DNAH11: variants seen among roughly 807,000 people sequenced by gnomAD.
The protein encoded by DNAH11 is axonemal beta dynein heavy chain 11.
Under a neutral mutation model 526.0 loss-of-function variants are expected in DNAH11, and 442 were observed. The observed-to-expected ratio is 0.84, with a 90% CI of 0.78 to 0.91. The LOEUF is 0.91. DNAH11 is among the 40% of genes least tolerant of loss of function. The pLI, the probability that DNAH11 is intolerant of heterozygous loss-of-function variation, is 0.00. For missense variants in DNAH11, 6,989 were observed against 5,448.7 expected, an observed-to-expected ratio of 1.28 and a Z score of -8.90; for synonymous variants, 2,461 against 1,935.9, an observed-to-expected ratio of 1.27 and a Z score of -7.12.
rs17144803 is a variant in DNAH11, at chr7:21,618,919, C to T, written c.4255-181C>T. Among the ~76,000 whole-genome samples, 34,487 of 152,026 alleles carry T rather than the reference C, an allele frequency of 0.23. 4,506 individuals carry two copies. Among genetic ancestry groups the T allele is most frequent in the East Asian group, 0.48 (2,492 of 5,170 alleles). ...TGTGGCCCTTGCTTCCGGCAGGTGA[C>T]GCCTCAGGAATTGTGAGTTAAAAAG... On this transcript the variant is annotated intron_variant, in intron 23 of 81. Coordinates refer to ENST00000409508, the MANE Select transcript of DNAH11 (RefSeq NM_001277115.2).
chr7:21,892,315 G>A, intron 76 of DNAH11, 110 bp from the exon 77 acceptor site: 4 of 1,463,284 alleles, frequency 2.7e-6, no homozygotes, highest in South Asian at 1.4e-5. Flanking sequence ...CTGCTACCCA[G>A]ACAGCATTGT....
intron 28 of DNAH11, among the ~76,000 whole-genome samples, chr7:21,641,581 C>A (rs1308726020): frequency 3.9e-5 from 6 of 152,224 alleles, no homozygotes; most frequent in Admixed American, 3.9e-4. Flanking sequence ...ACTCTGTTCA[C>A]CCTCCTTTTA....
At chr7:21,859,224 C>A (rs529323045) in intron 68 of DNAH11, among the ~76,000 whole-genome samples, 1 of 152,192 alleles carries the variant, frequency 6.6e-6, no homozygotes, top group Non-Finnish European at 1.5e-5. Context: ...AGCGATTCTC[C>A]TGTCCCAGCC....
chr7:21,757,816 A>G (rs1454064090), intron 54 of DNAH11, among the ~76,000 whole-genome samples: 2 of 152,222 alleles, frequency 1.3e-5, no homozygotes, highest in Non-Finnish European at 2.9e-5. Context: ...CACACATGAC[A>G]TAAGCCAAAA....
chr7:21,764,661 C>T (rs1787092786), intron 54 of DNAH11, among the ~76,000 whole-genome samples: 1 of 152,212 alleles, frequency 6.6e-6, no homozygotes, highest in Admixed American at 6.5e-5. Context: ...CCAGGTGCTC[C>T]TCTCACTGAG....
chr7:21,655,738 A>G (rs946700192), intron 28 of DNAH11, 94 bp from the exon 29 acceptor site: 8 of 1,278,954 alleles, frequency 6.3e-6, no homozygotes, highest in Non-Finnish European at 8.7e-6. Flanking sequence ...CTAACTCCAT[A>G]ACGTTTCATG....
At position 21,649,534 on chromosome 7, in the gene DNAH11, A is replaced by G. The variant is rs77682318; in HGVS notation, c.4945-6298A>G. Among the ~76,000 whole-genome samples the G allele has an allele frequency of 2.5e-4, 38 of 152,348 alleles. No individual in the cohort carries two copies. In the East Asian group the frequency reaches 6.2e-3, roughly 25 times the overall value. ...TTCAAGTGACATAATATCGAACTATAGGAGGCAGATGCAAAAGAGTACGTA... is the reference window on the plus strand; with the variant it reads ...TTCAAGTGACATAATATCGAACTATGGGAGGCAGATGCAAAAGAGTACGTA... On this transcript the variant is annotated intron_variant, in intron 28 of 81. Transcript: ENST00000409508.
chr7:21,707,832 G>A lies in DNAH11; in HGVS notation c.6680G>A (p.Gly2227Asp). Reference protein sequence around the residue: ...IHHATREWKDGKIVYSYFIGL... With the variant: ...IHHATREWKDDKIVYSYFIGL... ...CATGCTACCCGAGAATGGAAAGATG[G>A]CAAGTAGTATTTCCCCTTTAGAAGT... Residue 2227 changes from glycine (G) to aspartate (D), a missense_variant, in exon 40 of 82, where the codon GGC (glycine) becomes GAC (aspartate). Coordinates refer to ENST00000409508, the MANE Select transcript of DNAH11 (RefSeq NM_001277115.2). The A allele has an allele frequency of 1.9e-6, 3 of 1,594,012 alleles. No individual in the cohort carries two copies. The highest frequency in any genetic ancestry group is 3.6e-5 in the Admixed American group (2 of 56,000).
intron 65 of DNAH11, among the ~76,000 whole-genome samples, chr7:21,833,062 A>G (rs190263742): frequency 2.4e-4 from 36 of 152,346 alleles, no homozygotes; most frequent in Admixed American, 3.9e-4. Context: ...ACTTCTTACC[A>G]TAGTTCCCAA....
intron 8 of DNAH11, among the ~76,000 whole-genome samples, chr7:21,578,119 A>C (rs137996661): frequency 7.7e-4 from 118 of 152,290 alleles, no homozygotes; most frequent in African/African-American, 2.7e-3. Flanking sequence ...GAGAAGTGCC[A>C]CATACTTTTA....
intron 6 of DNAH11, among the ~76,000 whole-genome samples, chr7:21,567,514 A>G: frequency 6.6e-6 from 1 of 152,216 alleles, no homozygotes; most frequent in South Asian, 2.1e-4. Flanking sequence ...TTTAAATGCC[A>G]GCATTTCAGC....
At chr7:21,850,900 T>C (rs1034096133) in intron 66 of DNAH11, among the ~76,000 whole-genome samples, 3 of 152,168 alleles carry the variant, frequency 2.0e-5, no homozygotes, top group Non-Finnish European at 4.4e-5. Flanking sequence ...TCCACTGATA[T>C]TATACTGGAG....
Position 21,639,052 on chromosome 7 carries a change from C to T in DNAH11, c.4931C>T (p.Ala1644Val). The part of the protein sequence containing the change: ...ADLLDILSKG[A>V]QPKQVTCHLA... ...TTACTTGACATTCTCTCAAAAGGAG[C>T]TCAGCCTAAACAGGTAATATTTTTT... Residue 1644 changes from alanine (A) to valine (V), a missense_variant, in exon 28 of 82, where the codon GCT becomes GTT. Transcript: ENST00000409508. 1 of 1,612,916 alleles carries T rather than the reference C, an allele frequency of 6.2e-7. No homozygotes were observed. The highest frequency in any genetic ancestry group is 8.5e-7 in the Non-Finnish European group (1 of 1,179,484).
chr7:21,746,506 G>C (rs1786158586), intron 51 of DNAH11, among the ~76,000 whole-genome samples: 2 of 152,086 alleles, frequency 1.3e-5, no homozygotes, highest in Admixed American at 1.3e-4. Context: ...AGAAGGCTGA[G>C]GAGGGAGGAC....
At chr7:21,625,823 T>C (rs1052358503) in intron 25 of DNAH11, among the ~76,000 whole-genome samples, 18 of 152,180 alleles carry the variant, frequency 1.2e-4, no homozygotes, top group Non-Finnish European at 1.3e-4. Flanking sequence ...CCTCCTGTTA[T>C]TGATTTCTAC....
chr7:21,581,796 A>G lies in DNAH11; in HGVS notation c.1594-109A>G, dbSNP rs184536770. The G allele has an allele frequency of 1.2e-5, 8 of 680,068 alleles. No individual in the cohort carries two copies. In the Admixed American group the frequency reaches 1.3e-4, roughly 11 times the overall value. 42.1% of individuals were successfully genotyped at this position (680,068 alleles called of 1,614,324 possible). ...TGCTATGAAAAATAAATTCACTCAG[A>G]GACAGAGAGCGAGCGAGAGAGAGCT... On this transcript the variant is annotated intron_variant, in intron 8 of 81. Transcript: ENST00000409508.
chr7:21,865,865 T>C (rs1170458551), intron 70 of DNAH11, among the ~76,000 whole-genome samples: 1 of 152,120 alleles, frequency 6.6e-6, no homozygotes, highest in African/African-American at 2.4e-5. Flanking sequence ...AAGGGGTGGA[T>C]TATTCATATC....
chr7:21,789,819 TC>T lies in DNAH11; in HGVS notation c.10026+478del, dbSNP rs1189252184. Among the ~76,000 whole-genome samples, 513 of 95,144 alleles carry T rather than the reference TC, an allele frequency of 5.4e-3. 1 individual carries two copies. The highest frequency in any genetic ancestry group is 0.017 in the African/African-American group (442 of 26,604). 62.4% of individuals were successfully genotyped at this position (95,144 alleles called of 152,430 possible). On this transcript the variant is annotated intron_variant, in intron 61 of 81. Transcript: ENST00000409508. Reference sequence around the variant, plus strand: ...TTTCTTTCTTTCTTTTTTCTTTCTTTCTTTCTTTCTTTCTTTCTTTCTTTCT... The same window carrying T: ...TTTCTTTCTTTCTTTTTTCTTTCTTTTTTCTTTCTTTCTTTCTTTCTTTCT...
intron 76 of DNAH11, among the ~76,000 whole-genome samples, chr7:21,884,737 C>A (rs1358610674): frequency 6.6e-6 from 1 of 152,146 alleles, no homozygotes; most frequent in African/African-American, 2.4e-5. Flanking sequence ...CTTTTCTAGA[C>A]CGAGATGCTG....
Sources: allele counts gnomAD v4.1 joint callset (sites outside exome capture counted in the v4.1 genomes callset), GRCh38; gene constraint gnomAD v4.1.1; transcripts MANE v1.5; gene names NCBI Gene and HGNC (gene_info 2026-07-23, HGNC 2026-07-21).